The following INTU variants were observed in gnomAD, a reference collection of about 807,000 sequenced individuals.
INTU encodes protein inturned.
A neutral mutation model predicts 100.5 loss-of-function variants in INTU; 68 were observed. The ratio of observed to expected loss-of-function variants is 0.68; its 90% confidence interval spans 0.56 to 0.83. INTU has a LOEUF of 0.83. Among genes scored for constraint, INTU ranks in the 40% least tolerant of loss-of-function variants. The pLI, the probability that INTU is intolerant of heterozygous loss-of-function variation, is 0.00. For missense variants in INTU, 1,071 were observed against 1,114.7 expected (o/e 0.96, Z 0.56); for synonymous variants, 357 against 395.7 (o/e 0.90, Z 1.16).
In INTU at chr4:127,706,205, C is replaced by A. The variant is rs1054542969; in HGVS notation, c.1789-282C>A. Among the ~76,000 whole-genome samples, 23 of 152,078 alleles carry A rather than the reference C, an allele frequency of 1.5e-4. 1 individual carries two copies. The highest frequency in any genetic ancestry group is 1.4e-3 in the Admixed American group (22 of 15,242). On this transcript the variant is annotated intron_variant, in intron 11 of 15. Coordinates refer to ENST00000335251, the MANE Select transcript of INTU (RefSeq NM_015693.4). ...TATGCAATTGTAGATGAAAGGACTTCCAGTAACTGAGGCTCTTGACAGCTA... is the reference window on the plus strand; with the variant it reads ...TATGCAATTGTAGATGAAAGGACTTACAGTAACTGAGGCTCTTGACAGCTA...
chr4:127,644,504 A>G (rs1189482958), intron 2 of INTU, among the ~76,000 whole-genome samples: 7 of 152,160 alleles, frequency 4.6e-5, no homozygotes, highest in African/African-American at 1.7e-4. Flanking sequence ...GTGGTTTTCA[A>G]CTGTTTCATT....
chr4:127,691,994 T>G (rs1730165905), intron 8 of INTU, among the ~76,000 whole-genome samples: 1 of 76,610 alleles, frequency 1.3e-5, no homozygotes, highest in African/African-American at 5.1e-5. Flanking sequence ...CACATTTTCT[T>G]TATCCACTCG....
At chr4:127,637,586 G>A (rs1156286871) in intron 1 of INTU, among the ~76,000 whole-genome samples, 1 of 151,984 alleles carries the variant, frequency 6.6e-6, no homozygotes, top group Non-Finnish European at 1.5e-5. Flanking sequence ...ATCTTTTCTG[G>A]TCTCTCTTAG....
At chr4:127,652,889 C>A (rs1482940353) in intron 2 of INTU, among the ~76,000 whole-genome samples, 1 of 140,184 alleles carries the variant, frequency 7.1e-6, no homozygotes, top group Non-Finnish European at 1.5e-5. Context: ...ATTATTGCCA[C>A]AATTTCAGCT....
chr4:127,711,121 T>A lies in INTU; in HGVS notation c.2559+19T>A, dbSNP rs1195594013. The A allele has an allele frequency of 1.3e-6, 2 of 1,520,990 alleles. No individual in the cohort carries two copies. The highest frequency in any genetic ancestry group is 2.7e-5 in the African/African-American group (2 of 73,498). 94.2% of individuals were successfully genotyped at this position (1,520,990 alleles called of 1,614,324 possible). A position where few individuals can be genotyped will look rare whatever the true frequency, so the allele number is the denominator to read the frequency against. The stretch of plus-strand genomic sequence containing the variant: ...GGAAGAGGTAGGGCACTGCTATAAA[T>A]ACAGTTTTCTGCCAGTTTAATTTCC... On this transcript the variant is annotated intron_variant, in intron 14 of 15. Coordinates refer to ENST00000335251, the MANE Select transcript of INTU (RefSeq NM_015693.4).
chr4:127,642,792 G>A (rs1727389520), intron 1 of INTU, among the ~76,000 whole-genome samples: 1 of 150,676 alleles, frequency 6.6e-6, no homozygotes, highest in Non-Finnish European at 1.5e-5. Flanking sequence ...TTTTTCAGTG[G>A]CATACTTCCC....
chr4:127,698,279 G>A lies in INTU; in HGVS notation c.1450-1731G>A, dbSNP rs191387478. On this transcript the variant is annotated intron_variant, in intron 8 of 15. Coordinates refer to ENST00000335251, the MANE Select transcript of INTU (RefSeq NM_015693.4). Reference sequence around the variant, plus strand: ...AGTTCGAGACCATCCTGGCTAACACGGTGAAACCCCATCTCTACTAAAAAT... The same window carrying A: ...AGTTCGAGACCATCCTGGCTAACACAGTGAAACCCCATCTCTACTAAAAAT... Among the ~76,000 whole-genome samples, 221 of 152,106 alleles carry A rather than the reference G, an allele frequency of 1.5e-3. 1 individual carries two copies. The highest frequency in any genetic ancestry group is 4.4e-3 in the African/African-American group (184 of 41,490).
intron 6 of INTU, among the ~76,000 whole-genome samples, chr4:127,681,573 G>A (rs528484172): frequency 3.9e-5 from 6 of 151,930 alleles, no homozygotes; most frequent in African/African-American, 9.7e-5. Flanking sequence ...AAACTGGATC[G>A]CTTCCTTACA....
At chr4:127,694,667 C>A (rs7687675) in intron 8 of INTU, among the ~76,000 whole-genome samples, 2 of 152,086 alleles carry the variant, frequency 1.3e-5, no homozygotes, top group African/African-American at 4.8e-5. Flanking sequence ...GATATATGAT[C>A]CACTTAGAGT....
At chr4:127,707,445 C>G (rs1037473142) in intron 12 of INTU, among the ~76,000 whole-genome samples, 2 of 151,084 alleles carry the variant, frequency 1.3e-5, no homozygotes, top group African/African-American at 4.9e-5. Flanking sequence ...GATAAGAACC[C>G]CTTGACATTC....
intron 15 of INTU, 69 bp downstream of exon 15, chr4:127,714,162 T>C: frequency 2.3e-6 from 3 of 1,284,236 alleles, no homozygotes; most frequent in East Asian, 2.4e-5. Flanking sequence ...TAAAGGAGAT[T>C]AACATTTTAA....
intron 6 of INTU, among the ~76,000 whole-genome samples, chr4:127,679,053 C>G (rs201723276): frequency 0.03 from 4,633 of 152,100 alleles, 297 homozygotes; most frequent in East Asian, 0.27. Flanking sequence ...GAAGAGCTAA[C>G]TATCCTAAAT....
At chr4:127,715,662 A>G (rs944690754) in intron 15 of INTU, among the ~76,000 whole-genome samples, 3 of 152,218 alleles carry the variant, frequency 2.0e-5, no homozygotes, top group Non-Finnish European at 2.9e-5. Flanking sequence ...GATACTAGAA[A>G]TGAGAAGACC....
Position 127,720,042 on chromosome 4 carries a change from T to C in INTU, c.*3606T>C, listed in dbSNP as rs1731323330. On this transcript the variant is annotated 3_prime_UTR_variant, in exon 16 of 16. Transcript: ENST00000335251. ...GCTGGCTTTTGGGTTTGTTTGCTCTTGGTTCACTAGTTCTTTTAGTTGTGA... is the reference window on the plus strand; with the variant it reads ...GCTGGCTTTTGGGTTTGTTTGCTCTCGGTTCACTAGTTCTTTTAGTTGTGA... 6.6e-6 allele frequency: 1 copy of C among 152,164 alleles called. No homozygotes were observed. Among genetic ancestry groups the C allele is most frequent in the African/African-American group, 2.4e-5 (1 of 41,446 alleles). 9.4% of individuals were successfully genotyped at this position (152,164 alleles called of 1,614,324 possible). A position where few individuals can be genotyped will look rare whatever the true frequency, so the allele number is the denominator to read the frequency against.
intron 2 of INTU, among the ~76,000 whole-genome samples, chr4:127,655,965 G>A (rs958236662): frequency 6.5e-4 from 99 of 151,802 alleles, no homozygotes; most frequent in Non-Finnish European, 1.0e-3. Flanking sequence ...CGCAATATTC[G>A]GGTGGGAGTG....
In INTU at chr4:127,705,788, A is replaced by G. The variant is rs1730855517; in HGVS notation, c.1764A>G (p.Arg588=). Reference sequence around the variant, plus strand: ...AAGTCTTTCCGGAACCTGAAGGAAGATATTTTTTGCTAGTTGTTGGCTTGG... The same window carrying G: ...AAGTCTTTCCGGAACCTGAAGGAAGGTATTTTTTGCTAGTTGTTGGCTTGG... ...STEVFPEPEG[R]YFLLVVGLKH... The change falls in exon 11 of 16, where the codon AGA becomes AGG. Residue 588 remains arginine, a synonymous_variant. Transcript: ENST00000335251. The G allele has an allele frequency of 1.2e-6, 2 of 1,613,850 alleles. No homozygotes were observed. Among genetic ancestry groups the G allele is most frequent in the East Asian group, 4.5e-5 (2 of 44,868 alleles).
At position 127,718,467 on chromosome 4, in the gene INTU, CTCTT is replaced by C. The variant is rs1236519708; in HGVS notation, c.*2033_*2036del. The C allele has an allele frequency of 1.3e-5, 2 of 152,186 alleles. No individual in the cohort carries two copies. The highest frequency in any genetic ancestry group is 2.9e-5 in the Non-Finnish European group (2 of 68,000). The allele number at this position is 152,186 out of a possible 1,614,324, so 9.4% of individuals were successfully genotyped here. On this transcript the variant is annotated 3_prime_UTR_variant, in exon 16 of 16. Coordinates refer to ENST00000335251, the MANE Select transcript of INTU (RefSeq NM_015693.4). Reference sequence around the variant, plus strand: ...CTTAGGATTGCCTTGGCTATACAGGCTCTTTTTTTGGTTCCATATAAATTTTAAA... The same window carrying C: ...CTTAGGATTGCCTTGGCTATACAGGCTTTTTGGTTCCATATAAATTTTAAA...
chr4:127,710,318 A>C (rs1243492044), intron 13 of INTU, among the ~76,000 whole-genome samples: 2 of 151,990 alleles, frequency 1.3e-5, no homozygotes, highest in African/African-American at 4.8e-5. Flanking sequence ...CTAACCTTTT[A>C]TGCACCTATC....
intron 15 of INTU, among the ~76,000 whole-genome samples, chr4:127,714,398 T>C (rs1334142331): frequency 1.3e-5 from 2 of 151,746 alleles, no homozygotes; most frequent in Non-Finnish European, 2.9e-5. Context: ...CCTCTTACCA[T>C]CCTCTCCCTT....
Sources: allele counts gnomAD v4.1 joint callset (sites outside exome capture counted in the v4.1 genomes callset), GRCh38; gene constraint gnomAD v4.1.1; transcripts MANE v1.5; gene names NCBI Gene and HGNC (gene_info 2026-07-23, HGNC 2026-07-21).